DNER: variants seen among roughly 807,000 people sequenced by gnomAD.
DNER encodes delta and Notch-like epidermal growth factor-related receptor.
In DNER, 33 loss-of-function variants were observed where a neutral mutation model predicts 78.2. The observed-to-expected ratio is 0.42, with a 90% confidence interval of 0.32 to 0.56. The LOEUF (loss-of-function observed/expected upper bound fraction) is 0.56, where lower values mean the gene tolerates loss of function less well. DNER is among the 20% of genes least tolerant of loss of function. The pLI, the probability that DNER is intolerant of heterozygous loss-of-function variation, is 0.11. For synonymous variants in DNER, 417 were observed against 384.8 expected (o/e 1.08, Z -0.98); for missense variants, 918 against 975.3 (o/e 0.94, Z 0.78).
At chr2:229,636,756 T>C (rs756443358) in intron 1 of DNER, among the ~76,000 whole-genome samples, 2 of 152,230 alleles carry the variant, frequency 1.3e-5, no homozygotes, top group African/African-American at 4.8e-5. Context: ...TCCTTTGCAG[T>C]TGGGTGTGGT....
chr2:229,620,193 A>G (rs75464030), intron 1 of DNER, among the ~76,000 whole-genome samples: 3,351 of 152,358 alleles, frequency 0.022, 50 homozygotes, highest in Middle Eastern at 0.034. Context: ...GGAATGTGAT[A>G]TGAAGAGAGC....
chr2:229,679,957 T>C (rs539608577), intron 1 of DNER, among the ~76,000 whole-genome samples: 1 of 152,294 alleles, frequency 6.6e-6, no homozygotes, highest in Admixed American at 6.5e-5. Context: ...GTGCATATAA[T>C]TACATGCAGT....
In DNER at chr2:229,591,548, A is replaced by T. The variant is rs746009945; in HGVS notation, c.585+32T>A. 3 of 1,574,196 alleles carry T rather than the reference A, an allele frequency of 1.9e-6. No individual in the cohort carries two copies. Among genetic ancestry groups the T allele is most frequent in the Non-Finnish European group, 2.6e-6 (3 of 1,159,086 alleles). On this transcript the variant is annotated intron_variant, in intron 2 of 12. Coordinates refer to ENST00000341772, the MANE Select transcript of DNER (RefSeq NM_139072.4). This position sits in a 1 kb window ranked among gnomAD's most constrained non-coding sequence, Gnocchi z 4.6. ...GTCACTTTAAGATTTCTGGTTTCTA[A>T]TGTAAAAATGCACATGATATAACGT... is the stretch of plus-strand genomic sequence containing the variant.
intron 1 of DNER, among the ~76,000 whole-genome samples, chr2:229,677,605 A>T (rs1342596217): frequency 6.6e-6 from 1 of 152,188 alleles, no homozygotes; most frequent in South Asian, 2.1e-4. Context: ...CCACCACCCC[A>T]GGGTGGAAGG....
intron 2 of DNER, among the ~76,000 whole-genome samples, chr2:229,589,127 A>G: frequency 6.6e-6 from 1 of 152,244 alleles, no homozygotes; most frequent in Non-Finnish European, 1.5e-5. Flanking sequence ...CTCATCAAAA[A>G]GCATACTGCA....
At chr2:229,614,198 AAAT>A (rs1035862283) in intron 1 of DNER, among the ~76,000 whole-genome samples, 56 of 151,578 alleles carry the variant, frequency 3.7e-4, no homozygotes, top group African/African-American at 1.1e-3. Context: ...AAATTTAAAA[AAAT>A]AATAATAATA....
Position 229,626,211 on chromosome 2 carries a change from G to A in DNER, c.277-34323C>T, listed in dbSNP as rs1698341343. Among the ~76,000 whole-genome samples, 4 of 152,198 alleles carry A rather than the reference G, an allele frequency of 2.6e-5. No homozygotes were observed. The South Asian group carries it at 8.3e-4, about 31-fold the overall frequency. Reference sequence around the variant, plus strand: ...TGGGATTACAGGCGTGAGCCACCGTGCCCGGCCTACTATGCAACTTCAATG... The same window carrying A: ...TGGGATTACAGGCGTGAGCCACCGTACCCGGCCTACTATGCAACTTCAATG... On this transcript the variant is annotated intron_variant, in intron 1 of 12. Coordinates refer to ENST00000341772, the MANE Select transcript of DNER (RefSeq NM_139072.4).
intron 1 of DNER, among the ~76,000 whole-genome samples, chr2:229,627,664 G>T (rs1461709082): frequency 6.6e-6 from 1 of 152,188 alleles, no homozygotes; most frequent in Non-Finnish European, 1.5e-5. Context: ...CTTATAGATG[G>T]CAATTTGTTT....
chr2:229,397,667 G>A (rs559944289), intron 10 of DNER, among the ~76,000 whole-genome samples: 44 of 152,160 alleles, frequency 2.9e-4, no homozygotes, highest in African/African-American at 7.0e-4. Context: ...AGTTGAAATC[G>A]TAGAGTGTTC....
rs959732568 is a variant in DNER, at chr2:229,393,675, G to A, written c.1724-5279C>T. ...ATCCTGGCTAACACGGTGAAACCCC[G>A]TCTCTACTAAAAATACAAAAAATTA... On this transcript the variant is annotated intron_variant, in intron 10 of 12. Coordinates refer to ENST00000341772, the MANE Select transcript of DNER (RefSeq NM_139072.4). Among the ~76,000 whole-genome samples, 17 of 152,062 alleles carry A rather than the reference G, an allele frequency of 1.1e-4. No individual in the cohort carries two copies. The Middle Eastern group carries it at 0.014, about 122-fold the overall frequency.
intron 11 of DNER, among the ~76,000 whole-genome samples, chr2:229,378,811 A>T (rs530848606): frequency 6.6e-6 from 1 of 152,138 alleles, no homozygotes; most frequent in African/African-American, 2.4e-5. Context: ...TGCCCACCAA[A>T]TGTACGAATT....
At position 229,421,301 on chromosome 2, in the gene DNER, A is replaced by G. The variant is rs76073073; in HGVS notation, c.1487-3071T>C. On this transcript the variant is annotated intron_variant, in intron 8 of 12. Coordinates refer to ENST00000341772, the MANE Select transcript of DNER (RefSeq NM_139072.4). ...GGGAAAAATGGAGAGCTGCTATTTA[A>G]CTATGCAAGATGTTATGCAAGATGA... 1.7e-4 allele frequency among the ~76,000 whole-genome samples: 26 copies of G among 152,266 alleles called. No individual in the cohort carries two copies. In the East Asian group the frequency reaches 5.0e-3, roughly 29 times the overall value.
At chr2:229,565,360 T>C (rs948501484) in intron 4 of DNER, among the ~76,000 whole-genome samples, 1 of 152,198 alleles carries the variant, frequency 6.6e-6, no homozygotes, top group African/African-American at 2.4e-5. Context: ...AATAAAAGCA[T>C]ACCATACATT....
At chr2:229,385,081 A>T (rs1381384669) in intron 11 of DNER, among the ~76,000 whole-genome samples, 1 of 150,982 alleles carries the variant, frequency 6.6e-6, no homozygotes, top group African/African-American at 2.4e-5. Flanking sequence ...CAGTCTGGGC[A>T]ACAGAGCGAG....
rs555737591 is a variant in DNER, at chr2:229,704,021, T to C, written c.276+10127A>G. Among the ~76,000 whole-genome samples, 13 of 151,424 alleles carry C rather than the reference T, an allele frequency of 8.6e-5. No homozygotes were observed. In the East Asian group the frequency reaches 9.7e-4, roughly 11 times the overall value. ...GGGATTTGAATTTGAATCAGAAATA[T>C]GGAAAAACAACCTCAGAACTCATTT... is the stretch of plus-strand genomic sequence containing the variant. On this transcript the variant is annotated intron_variant, in intron 1 of 12. Coordinates refer to ENST00000341772, the MANE Select transcript of DNER (RefSeq NM_139072.4).
chr2:229,606,645 C>A (rs934459044), intron 1 of DNER, among the ~76,000 whole-genome samples: 3 of 152,136 alleles, frequency 2.0e-5, no homozygotes, highest in Admixed American at 6.5e-5. Context: ...GTAATCCCAG[C>A]ACTTTGGGAG....
chr2:229,368,550 T>A (rs1692403286), intron 11 of DNER, among the ~76,000 whole-genome samples: 1 of 152,206 alleles, frequency 6.6e-6, no homozygotes, highest in Admixed American at 6.5e-5. Context: ...CCAAACAGGA[T>A]CTACTTGGAC....
intron 5 of DNER, among the ~76,000 whole-genome samples, chr2:229,514,534 T>C (rs1695931543): frequency 6.6e-6 from 1 of 152,240 alleles, no homozygotes; most frequent in Admixed American, 6.5e-5. Flanking sequence ...TGACCTATTA[T>C]GACATGAATT....
intron 5 of DNER, among the ~76,000 whole-genome samples, chr2:229,524,775 C>A (rs1305404595): frequency 1.3e-5 from 2 of 152,208 alleles, no homozygotes; most frequent in African/African-American, 4.8e-5. Context: ...AAGGGTGAAG[C>A]CCTTGATCCC....
Sources: allele counts gnomAD v4.1 joint callset (sites outside exome capture counted in the v4.1 genomes callset), GRCh38; gene constraint gnomAD v4.1.1; non-coding constraint Gnocchi (gnomAD v3.1); transcripts MANE v1.5; gene names NCBI Gene and HGNC (gene_info 2026-07-23, HGNC 2026-07-21).